Variants in MSRB3 observed in about 807,000 individuals in gnomAD.
MSRB3 encodes the protein methionine sulfoxide reductase B3, also known as methionine-R-sulfoxide reductase B3.
A neutral mutation model predicts 21.0 loss-of-function variants in MSRB3; 13 were observed. That is an observed-to-expected ratio of 0.62 (90% confidence interval 0.40 to 0.98). MSRB3 has a LOEUF of 0.98. Ranked by LOEUF, MSRB3 falls within the 50% of genes least tolerant of loss-of-function variation. MSRB3 has a pLI of 0.00. For missense variants in MSRB3, 199 were observed against 230.3 expected, an observed-to-expected ratio of 0.86 and a Z score of 0.88; for synonymous variants, 87 against 88.6, an observed-to-expected ratio of 0.98 and a Z score of 0.10.
intron 4 of MSRB3, among the ~76,000 whole-genome samples, chr12:65,348,679 A>G (rs1296054209): frequency 6.6e-6 from 1 of 152,132 alleles, no homozygotes. Context: ...TTGTGACGTT[A>G]GGGTGTCAAT....
At chr12:65,392,494 C>T (rs745921092) in intron 5 of MSRB3, among the ~76,000 whole-genome samples, 2 of 152,178 alleles carry the variant, frequency 1.3e-5, no homozygotes, top group Admixed American at 6.5e-5. Flanking sequence ...ATGGCTAGTC[C>T]TTTACTGACT....
chr12:65,395,685 T>C (rs1268496884), intron 5 of MSRB3, among the ~76,000 whole-genome samples: 1 of 152,234 alleles, frequency 6.6e-6, no homozygotes, highest in African/African-American at 2.4e-5. Context: ...TCAGTTTCTT[T>C]AATAGATATA....
At chr12:65,419,157 C>T in intron 5 of MSRB3, 2 of 685,596 alleles carry the variant, frequency 2.9e-6, no homozygotes, top group Non-Finnish European at 5.3e-6. Flanking sequence ...CAGCTCCAAC[C>T]TTGGCCAACT....
intron 5 of MSRB3, among the ~76,000 whole-genome samples, chr12:65,422,225 A>G (rs746774389): frequency 2.6e-5 from 4 of 151,774 alleles, no homozygotes; most frequent in African/African-American, 4.8e-5. Flanking sequence ...CAGATTCATA[A>G]AGCAAGTCCT....
chr12:65,423,476 A>G (rs7301535), intron 5 of MSRB3, among the ~76,000 whole-genome samples: 1,973 of 152,246 alleles, frequency 0.013, 40 homozygotes, highest in East Asian at 0.05. Context: ...TTTAGCTGTA[A>G]GCTTGTCATA....
At chr12:65,388,456 C>T (rs1247053632) in intron 5 of MSRB3, among the ~76,000 whole-genome samples, 1 of 152,186 alleles carries the variant, frequency 6.6e-6, no homozygotes, top group East Asian at 1.9e-4. Flanking sequence ...TCAGATGGGA[C>T]TGTGTTTCAG....
intron 2 of MSRB3, among the ~76,000 whole-genome samples, chr12:65,319,534 T>C (rs905610270): frequency 8.5e-5 from 13 of 152,204 alleles, no homozygotes; most frequent in African/African-American, 3.1e-4. Context: ...ACTTTGCACA[T>C]ACCTTTACTG....
intron 2 of MSRB3, among the ~76,000 whole-genome samples, chr12:65,318,807 A>C (rs1874474627): frequency 6.6e-6 from 1 of 152,184 alleles, no homozygotes; most frequent in Non-Finnish European, 1.5e-5. Flanking sequence ...ATTTGCATTA[A>C]ATTTTGAAGA....
intron 1 of MSRB3, among the ~76,000 whole-genome samples, chr12:65,294,738 A>G (rs1001897406): frequency 6.6e-6 from 1 of 151,730 alleles, no homozygotes; most frequent in Non-Finnish European, 1.5e-5. Flanking sequence ...ATATTTGATG[A>G]CACTCTTTGT....
chr12:65,459,658 A>G (rs2136714168), intron 6 of MSRB3, among the ~76,000 whole-genome samples: 1 of 152,352 alleles, frequency 6.6e-6, no homozygotes, highest in East Asian at 1.9e-4. Context: ...TGCTTTGAAA[A>G]TGCTTCATTT....
intron 4 of MSRB3, among the ~76,000 whole-genome samples, chr12:65,359,485 T>A (rs1877582788): frequency 6.6e-6 from 1 of 152,104 alleles, no homozygotes; most frequent in Admixed American, 6.6e-5. Flanking sequence ...TACTAACCCC[T>A]AATCTGCTTC....
chr12:65,309,184 G>T (rs1873837164), intron 2 of MSRB3, among the ~76,000 whole-genome samples: 1 of 151,980 alleles, frequency 6.6e-6, no homozygotes. Context: ...TGCATCAGTG[G>T]GTTCTTAAAT....
chr12:65,406,657 A>T (rs149880260), intron 5 of MSRB3, among the ~76,000 whole-genome samples: 115 of 152,326 alleles, frequency 7.5e-4, no homozygotes, highest in African/African-American at 2.7e-3. Context: ...AGGAACAAAG[A>T]TTGCAGCATC....
intron 5 of MSRB3, among the ~76,000 whole-genome samples, chr12:65,384,965 T>C (rs145151787): frequency 6.6e-6 from 1 of 152,300 alleles, no homozygotes; most frequent in Non-Finnish European, 1.5e-5. Context: ...GTTTTGCCCA[T>C]TGATTCTAGT....
intron 5 of MSRB3, among the ~76,000 whole-genome samples, chr12:65,405,778 C>CTATT (rs1275614429): frequency 6.6e-6 from 1 of 152,082 alleles, no homozygotes; most frequent in Non-Finnish European, 1.5e-5. Context: ...GCCATCCTAG[C>CTATT]AGGTATGAGA....
intron 1 of MSRB3, among the ~76,000 whole-genome samples, chr12:65,294,143 T>G (rs1272099981): frequency 6.6e-6 from 1 of 152,206 alleles, no homozygotes; most frequent in Non-Finnish European, 1.5e-5. Flanking sequence ...CCCAAATCCT[T>G]TGAAATCTAG....
intron 1 of MSRB3, among the ~76,000 whole-genome samples, chr12:65,302,952 G>A (rs566232364): frequency 7.2e-5 from 11 of 152,116 alleles, no homozygotes; most frequent in African/African-American, 2.2e-4. Context: ...TCTTGAGATC[G>A]CTTTCTTAGT....
intron 4 of MSRB3, among the ~76,000 whole-genome samples, chr12:65,332,552 G>A (rs994150874): frequency 1.3e-4 from 20 of 152,076 alleles, no homozygotes; most frequent in African/African-American, 4.6e-4. Flanking sequence ...AAGTTAATGG[G>A]TGCAGCACAC....
chr12:65,322,865 T>C (rs1235846202), intron 2 of MSRB3, among the ~76,000 whole-genome samples: 1 of 152,074 alleles, frequency 6.6e-6, no homozygotes, highest in East Asian at 1.9e-4. Context: ...ATTAAATGTA[T>C]TTATGTGAAA....
Sources: gnomAD v4.1 joint callset for allele counts (sites outside exome capture counted in the v4.1 genomes callset) on GRCh38, gnomAD v4.1.1 for gene constraint, MANE v1.5 for transcripts, NCBI Gene and HGNC (gene_info 2026-07-23, HGNC 2026-07-21) for gene names.